The following KCNT2 variants were observed in gnomAD, a reference collection of about 807,000 sequenced individuals.
The protein encoded by KCNT2 is potassium sodium-activated channel subfamily T member 2, also known as potassium channel subfamily T member 2.
In KCNT2, 67 loss-of-function variants were observed where a neutral mutation model predicts 153.8. The ratio of observed to expected loss-of-function variants is 0.44; its 90% confidence interval spans 0.36 to 0.53. The LOEUF is 0.53. KCNT2 is among the 20% of genes least tolerant of loss of function. The pLI is 0.00. For synonymous variants in KCNT2, 500 were observed against 458.8 expected (o/e 1.09, Z -1.15); for missense variants, 975 against 1,354.8 (o/e 0.72, Z 4.40).
At position 196,576,108 on chromosome 1, in the gene KCNT2, G is replaced by GTA. The variant is rs368755622; in HGVS notation, c.95+32105_95+32106dup. 5.3e-3 allele frequency among the ~76,000 whole-genome samples: 782 copies of GTA among 148,608 alleles called. 5 individuals are homozygous for GTA. The highest frequency in any genetic ancestry group is 7.6e-3 in the Non-Finnish European group (513 of 67,172). On this transcript the variant is annotated intron_variant, in intron 1 of 27. Transcript: ENST00000294725. ...TATATATATGTGTGTGTGTGTGTGT[G>GTA]TATATATATATCCTTAAAGAATCCT...
intron 17 of KCNT2, 124 bp downstream of exon 17, chr1:196,333,723 A>G: frequency 1.5e-6 from 1 of 656,934 alleles, no homozygotes; most frequent in Non-Finnish European, 2.7e-6. Context: ...TATAGGAATG[A>G]TTCTAGGATG....
In KCNT2 at chr1:196,228,243, C is replaced by T. The variant is rs779455955; in HGVS notation, c.3389G>A (p.Arg1130Gln). The change falls in exon 28 of 28, where the codon CGG becomes CAG. Residue 1130 changes from arginine to glutamine, a missense_variant. This residue lies in a region of KCNT2 where 241 missense variants were observed against 271.1 expected (regional missense o/e 0.89). Transcript: ENST00000294725. ...SICNVTGQDSREETQL is the reference protein window; with the variant it reads ...SICNVTGQDSQEETQL ...TTTTTATCAAAGTTGAGTTTCCTCC[C>T]GAGAATCTTGACCAGTGACATTGCA... 4.0e-5 allele frequency: 65 copies of T among 1,605,978 alleles called. 1 individual carries two copies. The Middle Eastern group carries it at 2.0e-3, about 49-fold the overall frequency.
chr1:196,517,341 T>C (rs866790523), intron 1 of KCNT2, among the ~76,000 whole-genome samples: 1 of 152,148 alleles, frequency 6.6e-6, no homozygotes, highest in Non-Finnish European at 1.5e-5. Context: ...ATGCAAGAAC[T>C]TGAGCAACTC....
At chr1:196,371,220 CAAAAAA>C (rs952744388) in intron 14 of KCNT2, among the ~76,000 whole-genome samples, 4 of 21,942 alleles carry the variant, frequency 1.8e-4, no homozygotes, top group East Asian at 1.6e-3. Context: ...CCCGTCACTA[CAAAAAA>C]AAAAAAAAAA....
At chr1:196,434,115 A>G (rs1674407815) in intron 8 of KCNT2, among the ~76,000 whole-genome samples, 1 of 152,048 alleles carries the variant, frequency 6.6e-6, no homozygotes. Flanking sequence ...AGCTGCCCCT[A>G]TGGAATATTG....
chr1:196,227,247 G>C lies in KCNT2; in HGVS notation c.*977C>G, dbSNP rs926410770. 1 of 151,890 alleles carries C rather than the reference G, an allele frequency of 6.6e-6. No individual in the cohort carries two copies. Among genetic ancestry groups the C allele is most frequent in the Non-Finnish European group, 1.5e-5 (1 of 67,868 alleles). The allele number at this position is 151,890 out of a possible 1,614,324, so 9.4% of individuals were successfully genotyped here. ...ACATAAGGACTTTTAATGTTTTGAA[G>C]TGTCTTCAGAGTCCATAAAAGGTAT... On this transcript the variant is annotated 3_prime_UTR_variant, in exon 28 of 28. Coordinates refer to ENST00000294725, the MANE Select transcript of KCNT2 (RefSeq NM_198503.5).
chr1:196,533,765 T>C (rs1332172944), intron 1 of KCNT2, among the ~76,000 whole-genome samples: 2 of 152,118 alleles, frequency 1.3e-5, no homozygotes, highest in African/African-American at 2.4e-5. Context: ...GGTTTTGTTT[T>C]CATAGAGCTC....
intron 14 of KCNT2, among the ~76,000 whole-genome samples, chr1:196,368,301 C>T (rs1558203059): frequency 6.6e-6 from 1 of 152,166 alleles, no homozygotes; most frequent in Non-Finnish European, 1.5e-5. Flanking sequence ...TTTACTCCCT[C>T]ACTGCGTTTT....
intron 1 of KCNT2, among the ~76,000 whole-genome samples, chr1:196,558,957 C>A (rs1011033768): frequency 6.6e-6 from 1 of 151,000 alleles, no homozygotes; most frequent in African/African-American, 2.4e-5. Flanking sequence ...CAAGTAATAG[C>A]ATAAGAGGCA....
intron 1 of KCNT2, among the ~76,000 whole-genome samples, chr1:196,592,222 T>G (rs1265008379): frequency 6.6e-6 from 1 of 151,978 alleles, no homozygotes; most frequent in Non-Finnish European, 1.5e-5. Flanking sequence ...ATAACATGGA[T>G]GGAACTGGAG....
At chr1:196,388,009 C>A (rs1333045598) in intron 13 of KCNT2, among the ~76,000 whole-genome samples, 6 of 150,244 alleles carry the variant, frequency 4.0e-5, no homozygotes, top group Non-Finnish European at 5.9e-5. Context: ...TCTGTGAAAA[C>A]ATTCCTCTAT....
At chr1:196,321,726 G>A (rs959206758) in intron 19 of KCNT2, among the ~76,000 whole-genome samples, 12 of 151,774 alleles carry the variant, frequency 7.9e-5, no homozygotes, top group South Asian at 2.1e-4. Context: ...CTATTATGCC[G>A]TATTCTTTGC....
intron 1 of KCNT2, among the ~76,000 whole-genome samples, chr1:196,550,079 T>C (rs906853539): frequency 2.0e-5 from 3 of 151,926 alleles, no homozygotes; most frequent in African/African-American, 7.2e-5. Flanking sequence ...TGATACACTT[T>C]AGCCCATCAC....
intron 1 of KCNT2, among the ~76,000 whole-genome samples, chr1:196,601,301 C>T (rs1275000759): frequency 6.6e-6 from 1 of 152,214 alleles, no homozygotes; most frequent in Non-Finnish European, 1.5e-5. Context: ...CAATCATGCT[C>T]TCTCATAACA....
chr1:196,483,747 A>G (rs1374850996), intron 3 of KCNT2, among the ~76,000 whole-genome samples: 1 of 152,082 alleles, frequency 6.6e-6, no homozygotes, highest in Non-Finnish European at 1.5e-5. Flanking sequence ...TGGAAACTTT[A>G]TATTTATTTG....
chr1:196,479,286 T>G (rs1158628136), intron 4 of KCNT2, 48 bp from the exon 5 acceptor site: 5 of 1,102,572 alleles, frequency 4.5e-6, no homozygotes, highest in Non-Finnish European at 5.5e-6. Context: ...ACAATTAAAT[T>G]ATATATATTC....
intron 22 of KCNT2, among the ~76,000 whole-genome samples, chr1:196,294,657 T>C (rs1660516420): frequency 6.6e-6 from 1 of 152,092 alleles, no homozygotes; most frequent in Admixed American, 6.6e-5. Context: ...CTTCTGGGTA[T>C]ATATTCAAAT....
chr1:196,434,483 G>T (rs1371166210), intron 8 of KCNT2, among the ~76,000 whole-genome samples: 1 of 151,970 alleles, frequency 6.6e-6, no homozygotes, highest in East Asian at 1.9e-4. Context: ...TTAACATAAT[G>T]TACTCATAAG....
Position 196,284,249 on chromosome 1 carries a change from ATATAT to A in KCNT2, c.2697+1403_2697+1407del, listed in dbSNP as rs1226308899. Among the ~76,000 whole-genome samples, 27 of 22,924 alleles carry A rather than the reference ATATAT, an allele frequency of 1.2e-3. 2 individuals are homozygous for A. The highest frequency in any genetic ancestry group is 3.8e-3 in the South Asian group (2 of 528). 15.0% of individuals were successfully genotyped at this position (22,924 alleles called of 152,430 possible). Reference sequence around the variant, plus strand: ...CTGTCTTAAAAAAAAAAAAAAAAAAATATATATATATATATATATATATATATATA... The same window carrying A: ...CTGTCTTAAAAAAAAAAAAAAAAAAAATATATATATATATATATATATATA... On this transcript the variant is annotated intron_variant, in intron 23 of 27. Transcript: ENST00000294725.
Sources: allele counts gnomAD v4.1 joint callset (sites outside exome capture counted in the v4.1 genomes callset), GRCh38; gene constraint gnomAD v4.1.1; regional missense constraint gnomAD v4.1.1; transcripts MANE v1.5; gene names NCBI Gene and HGNC (gene_info 2026-07-23, HGNC 2026-07-21).